Variants in NDUFAF2 observed in about 807,000 individuals in gnomAD.
The protein encoded by NDUFAF2 is NADH dehydrogenase [ubiquinone] 1 alpha subcomplex assembly factor 2.
Under a neutral mutation model 22.8 loss-of-function variants are expected in NDUFAF2, and 13 were observed. That is an observed-to-expected ratio of 0.57 (90% CI 0.37 to 0.91). NDUFAF2 has a LOEUF of 0.91. Among genes scored for constraint, NDUFAF2 ranks in the 40% least tolerant of loss-of-function variants. NDUFAF2 has a pLI of 0.01. For synonymous variants in NDUFAF2, 53 were observed against 64.2 expected, an observed-to-expected ratio of 0.83 and a Z score of 0.84; for missense variants, 162 against 195.2, an observed-to-expected ratio of 0.83 and a Z score of 1.01.
Position 60,945,392 on chromosome 5 carries a change from C to A in NDUFAF2, c.127+10C>A. ...TACAAGAACTGGAGAGGTGAGGTGG[C>A]GGCGTGGGCAGCGATTGCGTGGTCA... On this transcript the variant is annotated intron_variant, in intron 1 of 3. Transcript: ENST00000296597. The A allele has an allele frequency of 6.2e-7, 1 of 1,614,102 alleles. No individual in the cohort carries two copies.
chr5:61,004,569 A>C (rs1751340770), intron 1 of NDUFAF2, among the ~76,000 whole-genome samples: 2 of 152,124 alleles, frequency 1.3e-5, no homozygotes, highest in South Asian at 4.1e-4. Context: ...ATAACATGAA[A>C]ATATGTATAT....
chr5:61,017,503 G>A (rs1410360170), intron 1 of NDUFAF2, among the ~76,000 whole-genome samples: 2 of 142,932 alleles, frequency 1.4e-5, no homozygotes, highest in Non-Finnish European at 3.1e-5. Context: ...ATTTCAGAAA[G>A]CAAAAGTGTG....
chr5:60,952,181 T>A (rs1750556304), intron 1 of NDUFAF2, among the ~76,000 whole-genome samples: 1 of 152,018 alleles, frequency 6.6e-6, no homozygotes, highest in African/African-American at 2.4e-5. Context: ...CTGATTTTTC[T>A]CTGTAAGTTT....
chr5:61,011,812 A>C (rs1751445992), intron 1 of NDUFAF2, among the ~76,000 whole-genome samples: 1 of 152,102 alleles, frequency 6.6e-6, no homozygotes, highest in Non-Finnish European at 1.5e-5. Flanking sequence ...CTCAGTGCCT[A>C]GCATCTCGTT....
At chr5:60,990,162 C>T (rs1241184912) in intron 1 of NDUFAF2, among the ~76,000 whole-genome samples, 4 of 149,800 alleles carry the variant, frequency 2.7e-5, no homozygotes, top group South Asian at 2.1e-4. Flanking sequence ...GGAAGGGTTC[C>T]GGGGAGGAGT....
At chr5:61,030,970 AT>A (rs1230258359) in intron 1 of NDUFAF2, among the ~76,000 whole-genome samples, 3 of 151,678 alleles carry the variant, frequency 2.0e-5, no homozygotes, top group Admixed American at 6.6e-5. Context: ...CCACCTTTCT[AT>A]TTTGTTAACT....
chr5:61,020,284 A>T (rs574833973), intron 1 of NDUFAF2, among the ~76,000 whole-genome samples: 3 of 151,836 alleles, frequency 2.0e-5, no homozygotes, highest in Admixed American at 6.6e-5. Context: ...CATATATTCT[A>T]CTTTCTCTGT....
chr5:61,103,265 A>C (rs896104425), intron 3 of NDUFAF2, among the ~76,000 whole-genome samples: 1 of 151,140 alleles, frequency 6.6e-6, no homozygotes, highest in African/African-American at 2.4e-5. Flanking sequence ...ACTCTACCCT[A>C]CTCTTCAAGG....
At chr5:61,060,212 G>T (rs1348105981) in intron 1 of NDUFAF2, among the ~76,000 whole-genome samples, 1 of 152,044 alleles carries the variant, frequency 6.6e-6, no homozygotes, top group African/African-American at 2.4e-5. Flanking sequence ...AACAGATGCT[G>T]CAACTGAGTA....
intron 1 of NDUFAF2, among the ~76,000 whole-genome samples, chr5:60,963,770 A>G (rs1277054830): frequency 1.3e-5 from 2 of 152,226 alleles, no homozygotes; most frequent in African/African-American, 4.8e-5. Context: ...GTGTCAAGAG[A>G]AAAGAAAAAC....
chr5:60,987,858 C>T (rs1470337201), intron 1 of NDUFAF2, among the ~76,000 whole-genome samples: 1 of 152,126 alleles, frequency 6.6e-6, no homozygotes, highest in Non-Finnish European at 1.5e-5. Flanking sequence ...TTCTTGAAAA[C>T]TGGCAAAAGA....
At chr5:61,115,806 A>T (rs747900768) in intron 3 of NDUFAF2, 9 of 152,198 alleles carry the variant, frequency 5.9e-5, no homozygotes, top group Non-Finnish European at 1.0e-4. Context: ...ACCTTATTAA[A>T]TAATAGCATT....
At chr5:61,005,074 C>G (rs1391694024) in intron 1 of NDUFAF2, among the ~76,000 whole-genome samples, 1 of 152,100 alleles carries the variant, frequency 6.6e-6, no homozygotes, top group African/African-American at 2.4e-5. Flanking sequence ...TCTCCTAATG[C>G]TATCCCTCCC....
chr5:61,019,388 T>A (rs1442199341), intron 1 of NDUFAF2, among the ~76,000 whole-genome samples: 1 of 152,044 alleles, frequency 6.6e-6, no homozygotes, highest in East Asian at 1.9e-4. Context: ...TTCCCTCTTC[T>A]CTCCTTTTCC....
chr5:61,078,535 G>A lies in NDUFAF2; in HGVS notation c.217+5321G>A, dbSNP rs114029235. ...GCAAGCAGGTCACTTGAGTCCAGGA[G>A]TTCTAGACCAGCCTGTACAACATGT... On this transcript the variant is annotated intron_variant, in intron 2 of 3. Transcript: ENST00000296597. Among the ~76,000 whole-genome samples the A allele has an allele frequency of 7.9e-3, 1,200 of 152,178 alleles. 15 individuals are homozygous for A. The highest frequency in any genetic ancestry group is 0.027 in the African/African-American group (1,123 of 41,518).
Position 60,980,241 on chromosome 5 carries a change from C to T in NDUFAF2, c.127+34859C>T, listed in dbSNP as rs184599803. On this transcript the variant is annotated intron_variant, in intron 1 of 3. Coordinates refer to ENST00000296597, the MANE Select transcript of NDUFAF2 (RefSeq NM_174889.5). ...AATAAATGCTTAATTCTTCAATGCC[C>T]AGGCAGCAGCGAATATCCATAAGCA... Among the ~76,000 whole-genome samples the T allele has an allele frequency of 2.4e-4, 37 of 152,282 alleles. 1 individual carries two copies. In the East Asian group the frequency reaches 7.0e-3, roughly 29 times the overall value.
intron 2 of NDUFAF2, among the ~76,000 whole-genome samples, chr5:61,076,828 C>A (rs1030502504): frequency 1.3e-5 from 2 of 152,094 alleles, no homozygotes; most frequent in African/African-American, 4.8e-5. Context: ...TGACTTGGGC[C>A]AGAGTAACAG....
chr5:61,054,566 G>C (rs551848747), intron 1 of NDUFAF2, among the ~76,000 whole-genome samples: 2 of 152,266 alleles, frequency 1.3e-5, no homozygotes, highest in South Asian at 4.1e-4. Context: ...ATTCAGTAAC[G>C]ATTTCTAGAA....
chr5:61,021,238 G>C (rs1367438975), intron 1 of NDUFAF2, among the ~76,000 whole-genome samples: 1 of 152,064 alleles, frequency 6.6e-6, no homozygotes, highest in East Asian at 1.9e-4. Context: ...TTGTTGGCAG[G>C]GCTGTGTTTC....
Sources: allele counts gnomAD v4.1 joint callset (sites outside exome capture counted in the v4.1 genomes callset), GRCh38; gene constraint gnomAD v4.1.1; transcripts MANE v1.5; gene names NCBI Gene and HGNC (gene_info 2026-07-23, HGNC 2026-07-21).